The following LOC128092252 variants were observed in gnomAD, a reference collection of about 807,000 sequenced individuals.
the LOC128092252 span, among the ~76,000 whole-genome samples, chr15:50,659,825 G>A: frequency 8.6e-5 from 13 of 151,990 alleles, no homozygotes; most frequent in Middle Eastern, 3.4e-3. Flanking sequence ...CCACCACCAC[G>A]CCCAGCTAGT....
the LOC128092252 span, chr15:50,648,866 C>T: frequency 6.2e-7 from 1 of 1,608,740 alleles, no homozygotes; most frequent in East Asian, 2.2e-5. Context: ...TGTTGCTTGA[C>T]CAAGCGACCA....
At chr15:50,656,021 AC>A in the LOC128092252 span, among the ~76,000 whole-genome samples, 105 of 141,818 alleles carry the variant, frequency 7.4e-4, no homozygotes, top group Middle Eastern at 3.6e-3. Context: ...AAAAAAAAAA[AC>A]CCCTGCTGCA....
the LOC128092252 span, among the ~76,000 whole-genome samples, chr15:50,667,574 C>A: frequency 6.6e-6 from 1 of 152,028 alleles, no homozygotes; most frequent in African/African-American, 2.4e-5. Flanking sequence ...GGGAATGGTG[C>A]CTTGCACCTG....
At chr15:50,685,550 T>G in the LOC128092252 span, among the ~76,000 whole-genome samples, 1 of 152,248 alleles carries the variant, frequency 6.6e-6, no homozygotes, top group Non-Finnish European at 1.5e-5. Flanking sequence ...AGTAAAACTC[T>G]TATTTTAGTT....
chr15:50,683,184 T>C, the LOC128092252 span, among the ~76,000 whole-genome samples: 2 of 151,664 alleles, frequency 1.3e-5, no homozygotes, highest in Non-Finnish European at 2.9e-5. Context: ...CACTGCACCC[T>C]GACCCAGGTA....
chr15:50,676,230 G>A, the LOC128092252 span, among the ~76,000 whole-genome samples: 2 of 152,106 alleles, frequency 1.3e-5, no homozygotes, highest in South Asian at 4.1e-4. Flanking sequence ...CCTAGATGCT[G>A]CTAGCAAAAA....
chr15:50,682,398 T>C, the LOC128092252 span, among the ~76,000 whole-genome samples: 2 of 151,546 alleles, frequency 1.3e-5, no homozygotes, highest in Non-Finnish European at 2.9e-5. Flanking sequence ...GCCAACATGG[T>C]GAAACCCCAT....
At chr15:50,651,955 A>T in the LOC128092252 span, among the ~76,000 whole-genome samples, 1 of 152,076 alleles carries the variant, frequency 6.6e-6, no homozygotes, top group Non-Finnish European at 1.5e-5. Context: ...AATTTCATTT[A>T]AAAAATAACC....
At chr15:50,665,825 C>T in the LOC128092252 span, among the ~76,000 whole-genome samples, 1 of 151,970 alleles carries the variant, frequency 6.6e-6, no homozygotes, top group Non-Finnish European at 1.5e-5. Flanking sequence ...TGAAAACCGT[C>T]TCTACTAAAA....
chr15:50,656,305 G>GC, the LOC128092252 span, among the ~76,000 whole-genome samples: 1 of 149,852 alleles, frequency 6.7e-6, no homozygotes, highest in Non-Finnish European at 1.5e-5. Context: ...CTTTTTGTTT[G>GC]TTTTTTTTTC....
At chr15:50,653,909 G>C in the LOC128092252 span, among the ~76,000 whole-genome samples, 1 of 152,060 alleles carries the variant, frequency 6.6e-6, no homozygotes, top group African/African-American at 2.4e-5. Flanking sequence ...AGCAGTTTTA[G>C]TTCAGCGTGA....
the LOC128092252 span, among the ~76,000 whole-genome samples, chr15:50,675,285 G>A: frequency 4.0e-5 from 6 of 151,864 alleles, no homozygotes; most frequent in South Asian, 1.0e-3. Flanking sequence ...AGAGGTTGCA[G>A]TGAGCCAAGA....
At chr15:50,663,541 T>C in the LOC128092252 span, among the ~76,000 whole-genome samples, 2 of 152,304 alleles carry the variant, frequency 1.3e-5, no homozygotes, top group East Asian at 3.9e-4. Flanking sequence ...TGACCTAGGT[T>C]ATTAAATCAA....
chr15:50,673,698 T>C, the LOC128092252 span, among the ~76,000 whole-genome samples: 40 of 152,294 alleles, frequency 2.6e-4, 1 homozygote, highest in South Asian at 6.6e-3. Context: ...TTTGAGTTGG[T>C]TCCACATTTT....
chr15:50,652,037 A>C, the LOC128092252 span, among the ~76,000 whole-genome samples: 1 of 151,998 alleles, frequency 6.6e-6, no homozygotes, highest in African/African-American at 2.4e-5. Context: ...AGATATGATA[A>C]AGAAAACAGA....
chr15:50,674,300 T>G, the LOC128092252 span, among the ~76,000 whole-genome samples: 2,198 of 152,226 alleles, frequency 0.014, 60 homozygotes, highest in African/African-American at 0.051. Context: ...CCCAGCTAAT[T>G]TTTGTATTTT....
At chr15:50,684,155 C>T in the LOC128092252 span, among the ~76,000 whole-genome samples, 1 of 149,838 alleles carries the variant, frequency 6.7e-6, no homozygotes, top group Non-Finnish European at 1.5e-5. Context: ...CTGATTAAGT[C>T]GTTTTTTTTT....
chr15:50,680,060 C>G, the LOC128092252 span, among the ~76,000 whole-genome samples: 6 of 151,718 alleles, frequency 4.0e-5, no homozygotes, highest in African/African-American at 1.5e-4. Flanking sequence ...ATGGTGAAAC[C>G]CTGTCTCTGC....
chr15:50,650,657 T>C, the LOC128092252 span, among the ~76,000 whole-genome samples: 1 of 151,650 alleles, frequency 6.6e-6, no homozygotes, highest in Non-Finnish European at 1.5e-5. Flanking sequence ...ATCGTGCCAC[T>C]GCACTCCAGG....
Sources: gnomAD v4.1 joint callset for allele counts (sites outside exome capture counted in the v4.1 genomes callset) on GRCh38, gnomAD v4.1.1 for gene constraint, MANE v1.5 for transcripts.